FBP2: variants seen among roughly 807,000 people sequenced by gnomAD.
The protein encoded by FBP2 is fructose-1,6-bisphosphatase isozyme 2.
In FBP2, 27 loss-of-function variants were observed where a neutral mutation model predicts 31.6. The observed-to-expected ratio is 0.85, with a 90% CI of 0.63 to 1.18. FBP2 has a LOEUF of 1.18. Ranked by LOEUF, FBP2 falls within the 50% of genes most tolerant of loss-of-function variation. The pLI is 0.00. For synonymous variants in FBP2, 168 were observed against 179.8 expected, an observed-to-expected ratio of 0.93 and a Z score of 0.53; for missense variants, 421 against 436.1, an observed-to-expected ratio of 0.97 and a Z score of 0.31.
Position 94,558,795 on chromosome 9 carries a change from A to C in FBP2, c.*143T>G. On this transcript the variant is annotated 3_prime_UTR_variant, in exon 7 of 7. Transcript: ENST00000375337. Reference sequence around the variant, plus strand: ...GCCTGTGGCTTCCAAACCTGTCGTAAGCAGTTTGTTGTTGCTCTTCTGTAT... The same window carrying C: ...GCCTGTGGCTTCCAAACCTGTCGTACGCAGTTTGTTGTTGCTCTTCTGTAT... 1 of 744,608 alleles carries C rather than the reference A, an allele frequency of 1.3e-6. No homozygotes were observed. The highest frequency in any genetic ancestry group is 1.7e-5 in the South Asian group (1 of 60,378). 46.1% of individuals were successfully genotyped at this position (744,608 alleles called of 1,614,324 possible). A position where few individuals can be genotyped will look rare whatever the true frequency, so the allele number is the denominator to read the frequency against.
At chr9:94,561,425 C>T (rs952661618) in intron 6 of FBP2, among the ~76,000 whole-genome samples, 10 of 128,904 alleles carry the variant, frequency 7.8e-5, no homozygotes, top group East Asian at 7.1e-4. Flanking sequence ...TGCAGTGGCG[C>T]GATCTCGGCT....
intron 6 of FBP2, among the ~76,000 whole-genome samples, chr9:94,560,361 T>A (rs561080565): frequency 3.3e-5 from 5 of 152,178 alleles, no homozygotes; most frequent in African/African-American, 9.7e-5. Context: ...TGGGGTTGGA[T>A]TGAATGGACT....
intron 2 of FBP2, among the ~76,000 whole-genome samples, chr9:94,585,139 C>T (rs1330437430): frequency 6.6e-6 from 1 of 152,136 alleles, no homozygotes; most frequent in Non-Finnish European, 1.5e-5. Flanking sequence ...CCTGACTTTC[C>T]AATGAGTATT....
At chr9:94,582,851 T>A (rs796215239) in intron 3 of FBP2, among the ~76,000 whole-genome samples, 1 of 91,686 alleles carries the variant, frequency 1.1e-5, no homozygotes, top group African/African-American at 6.4e-5. Context: ...CCCAGCCCCC[T>A]TTTTTTTTTT....
chr9:94,565,746 ATAG>A (rs1827177691), intron 5 of FBP2, among the ~76,000 whole-genome samples: 1 of 137,458 alleles, frequency 7.3e-6, no homozygotes, highest in African/African-American at 2.7e-5. Context: ...TGATAGATAG[ATAG>A]ATAGAAAATA....
At chr9:94,590,330 G>T (rs556687191) in intron 1 of FBP2, among the ~76,000 whole-genome samples, 1 of 152,194 alleles carries the variant, frequency 6.6e-6, no homozygotes, top group Non-Finnish European at 1.5e-5. Flanking sequence ...AGCCTCTCTT[G>T]TTCCCACCAT....
intron 4 of FBP2, chr9:94,570,195 G>A (rs1213572897): frequency 1.3e-5 from 2 of 152,324 alleles, no homozygotes; most frequent in Admixed American, 1.3e-4. Flanking sequence ...GGGAATCTTT[G>A]AATTGGGTCC....
chr9:94,589,781 C>T (rs1471116159), intron 1 of FBP2, among the ~76,000 whole-genome samples: 1 of 146,742 alleles, frequency 6.8e-6, no homozygotes, highest in Non-Finnish European at 1.5e-5. Context: ...GTCTGAGGAA[C>T]CATGACGTGA....
intron 3 of FBP2, chr9:94,577,735 T>A (rs1172831684): frequency 2.6e-5 from 4 of 152,234 alleles, no homozygotes; most frequent in Non-Finnish European, 5.9e-5. Context: ...CAAACAAAGT[T>A]AGCCACGTGG....
At chr9:94,590,433 C>A (rs1827481703) in intron 1 of FBP2, among the ~76,000 whole-genome samples, 2 of 124,390 alleles carry the variant, frequency 1.6e-5, no homozygotes, top group South Asian at 5.5e-4. Flanking sequence ...CAAAAGGAGC[C>A]AGGGGCTTGC....
At chr9:94,573,441 T>C (rs968106026) in intron 3 of FBP2, among the ~76,000 whole-genome samples, 1 of 152,168 alleles carries the variant, frequency 6.6e-6, no homozygotes, top group Non-Finnish European at 1.5e-5. Context: ...ATGTCTTTTT[T>C]GAGATGGGGG....
chr9:94,563,238 A>G, intron 6 of FBP2, 104 bp downstream of exon 6: 2 of 1,312,522 alleles, frequency 1.5e-6, no homozygotes, highest in South Asian at 2.9e-5. Flanking sequence ...ATCCCCACAC[A>G]GACATGCCAT....
Position 94,559,014 on chromosome 9 carries a change from A to G in FBP2, c.944T>C (p.Val315Ala). ...CTCTGGTGACCCCAGAATGAGGGGG[A>G]CTCGCTGGTGAATTGCCTCGGGCTT... Reference protein sequence around the residue: ...DVKPEAIHQRVPLILGSPEDV... With the variant: ...DVKPEAIHQRAPLILGSPEDV... The change falls in exon 7 of 7, where the codon GTC becomes GCC. Residue 315 changes from valine to alanine, a missense_variant. By Grantham distance (64) the Val-to-Ala change is moderately conservative. Coordinates refer to ENST00000375337, the MANE Select transcript of FBP2 (RefSeq NM_003837.4). The G allele has an allele frequency of 1.2e-6, 2 of 1,613,592 alleles. No homozygotes were observed. The highest frequency in any genetic ancestry group is 1.7e-6 in the Non-Finnish European group (2 of 1,179,910).
chr9:94,588,369 C>T (rs1017637405), intron 1 of FBP2, among the ~76,000 whole-genome samples: 2 of 152,142 alleles, frequency 1.3e-5, no homozygotes, highest in Non-Finnish European at 2.9e-5. Context: ...TGCCTGTAAT[C>T]CCAGCACTGT....
At chr9:94,578,039 T>A (rs1403346476) in intron 3 of FBP2, among the ~76,000 whole-genome samples, 1 of 152,212 alleles carries the variant, frequency 6.6e-6, no homozygotes, top group East Asian at 1.9e-4. Context: ...TCAAAAATTA[T>A]TAGTAAAATA....
At chr9:94,591,941 T>G (rs1320523537) in intron 1 of FBP2, among the ~76,000 whole-genome samples, 1 of 151,506 alleles carries the variant, frequency 6.6e-6, no homozygotes, top group Non-Finnish European at 1.5e-5. Flanking sequence ...AAAGTCAGAG[T>G]TTTGCAGCAG....
chr9:94,578,308 T>A (rs1322935299), intron 3 of FBP2, among the ~76,000 whole-genome samples: 3 of 152,360 alleles, frequency 2.0e-5, no homozygotes, highest in Non-Finnish European at 4.4e-5. Context: ...GGTTCTTACT[T>A]AGGTGTTCAC....
chr9:94,583,997 TCA>T (rs1420569397), intron 3 of FBP2, among the ~76,000 whole-genome samples: 1 of 152,210 alleles, frequency 6.6e-6, no homozygotes, highest in Non-Finnish European at 1.5e-5. Context: ...CTGCTGGATG[TCA>T]CAAACCCACC....
At position 94,567,288 on chromosome 9, in the gene FBP2, C is replaced by G; in HGVS notation, c.687G>C (p.Gln229His). Residue 229 changes from glutamine (Q) to histidine (H), a missense_variant, in exon 5 of 7, where the codon CAG becomes CAC. By Grantham distance (24) the Gln-to-His change is conservative. Transcript: ENST00000375337. Reference sequence around the variant, plus strand: ...CACTCACCTCAGGGAATTTCTTTTTCTGCACATATTCAGTGGTGGCCGCAT... The same window carrying G: ...CACTCACCTCAGGGAATTTCTTTTTGTGCACATATTCAGTGGTGGCCGCAT... ...YFDAATTEYVQKKKFPEDGSA... is the reference protein window; with the variant it reads ...YFDAATTEYVHKKKFPEDGSA... The G allele has an allele frequency of 1.2e-6, 2 of 1,614,204 alleles. No homozygotes were observed. Among genetic ancestry groups the G allele is most frequent in the Non-Finnish European group, 1.7e-6 (2 of 1,180,028 alleles).
Sources: allele counts gnomAD v4.1 joint callset (sites outside exome capture counted in the v4.1 genomes callset), GRCh38; gene constraint gnomAD v4.1.1; transcripts MANE v1.5; gene names NCBI Gene and HGNC (gene_info 2026-07-23, HGNC 2026-07-21).